MACROD2: variants seen among roughly 807,000 people sequenced by gnomAD.
MACROD2 encodes mono-ADP ribosylhydrolase 2.
A neutral mutation model predicts 70.4 loss-of-function variants in MACROD2; 36 were observed. The ratio of observed to expected loss-of-function variants is 0.51; its 90% confidence interval spans 0.39 to 0.68. The LOEUF is 0.68. Ranked by LOEUF, MACROD2 falls within the 30% of genes least tolerant of loss-of-function variation. MACROD2 has a pLI of 0.00. For synonymous variants in MACROD2, 172 were observed against 178.8 expected, an observed-to-expected ratio of 0.96 and a Z score of 0.30; for missense variants, 496 against 538.4, an observed-to-expected ratio of 0.92 and a Z score of 0.78.
intron 5 of MACROD2, among the ~76,000 whole-genome samples, chr20:14,990,656 G>A (rs1001612899): frequency 1.3e-5 from 2 of 151,880 alleles, no homozygotes; most frequent in African/African-American, 4.8e-5. Flanking sequence ...AGGGACTACA[G>A]GCACTCACCA....
intron 5 of MACROD2, among the ~76,000 whole-genome samples, chr20:15,226,263 G>A (rs966101938): frequency 4.6e-5 from 7 of 152,184 alleles, no homozygotes; most frequent in Non-Finnish European, 7.4e-5. Context: ...CTTAGGATTG[G>A]TGTTCTTTCC....
chr20:14,596,085 A>T (rs1048572751), intron 4 of MACROD2, among the ~76,000 whole-genome samples: 3 of 151,566 alleles, frequency 2.0e-5, no homozygotes, highest in Admixed American at 2.0e-4. Context: ...ATATATATAT[A>T]TGTAATTTTT....
intron 2 of MACROD2, among the ~76,000 whole-genome samples, chr20:14,047,191 A>C (rs575156602): frequency 3.3e-5 from 5 of 152,288 alleles, no homozygotes; most frequent in Admixed American, 2.6e-4. Context: ...TCATGCCTGT[A>C]ATCCTAGCAC....
chr20:14,913,059 C>CTG (rs1021781111), intron 5 of MACROD2, among the ~76,000 whole-genome samples: 17 of 151,930 alleles, frequency 1.1e-4, no homozygotes, highest in Non-Finnish European at 1.9e-4. Flanking sequence ...GTTGTGATAG[C>CTG]TGTGTGTGTG....
At chr20:15,633,938 A>AT (rs1393085864) in intron 8 of MACROD2, among the ~76,000 whole-genome samples, 1 of 152,114 alleles carries the variant, frequency 6.6e-6, no homozygotes, top group Non-Finnish European at 1.5e-5. Flanking sequence ...CTGTCAATTC[A>AT]TTTTTTTAAA....
intron 5 of MACROD2, among the ~76,000 whole-genome samples, chr20:15,178,796 C>G (rs144601691): frequency 6.6e-6 from 1 of 152,182 alleles, no homozygotes; most frequent in Non-Finnish European, 1.5e-5. Context: ...CAGAAAGGTC[C>G]CTGGCATTGC....
chr20:14,940,555 T>C (rs1324339081), intron 5 of MACROD2, among the ~76,000 whole-genome samples: 1 of 152,202 alleles, frequency 6.6e-6, no homozygotes, highest in East Asian at 1.9e-4. Context: ...TAGCCTTTAT[T>C]ATTTTGAGGT....
intron 5 of MACROD2, among the ~76,000 whole-genome samples, chr20:15,004,323 G>T (rs375757886): frequency 6.6e-6 from 1 of 152,132 alleles, no homozygotes; most frequent in Non-Finnish European, 1.5e-5. Flanking sequence ...CTTTAGTCAG[G>T]TTGACAGAAG....
At chr20:14,508,016 A>G (rs1490141789) in intron 4 of MACROD2, among the ~76,000 whole-genome samples, 1 of 152,334 alleles carries the variant, frequency 6.6e-6, no homozygotes, top group East Asian at 1.9e-4. Flanking sequence ...CATACAGAAA[A>G]GCCTGGGAAA....
intron 8 of MACROD2, among the ~76,000 whole-genome samples, chr20:15,585,383 A>T (rs1363979563): frequency 6.6e-6 from 1 of 151,700 alleles, no homozygotes; most frequent in East Asian, 1.9e-4. Context: ...TTTTTAGTAG[A>T]GACAGGATTT....
At chr20:14,388,415 T>C (rs1207869558) in intron 3 of MACROD2, among the ~76,000 whole-genome samples, 1 of 152,218 alleles carries the variant, frequency 6.6e-6, no homozygotes, top group African/African-American at 2.4e-5. Context: ...AAAATTCATA[T>C]ATGACTTGAT....
chr20:15,019,179 G>A (rs746084111), intron 5 of MACROD2, among the ~76,000 whole-genome samples: 11 of 151,742 alleles, frequency 7.2e-5, no homozygotes, highest in Middle Eastern at 6.8e-3. Context: ...GCGCGCGCGC[G>A]GAGAGAGTTT....
chr20:15,729,880 G>A (rs2050921578), intron 8 of MACROD2, among the ~76,000 whole-genome samples: 1 of 121,548 alleles, frequency 8.2e-6, no homozygotes, highest in Non-Finnish European at 1.6e-5. Context: ...CCAGGCTGGA[G>A]TGCAATGGTG....
chr20:14,491,664 C>G lies in MACROD2; in HGVS notation c.272-1815C>G, dbSNP rs189789405. On this transcript the variant is annotated intron_variant, in intron 3 of 17. Transcript: ENST00000684519. ...AAACAGATGGGCCTTGGGCTGTGCT[C>G]TCAAAACAGGCAACCTCCACCTTTA... 6.2e-3 allele frequency among the ~76,000 whole-genome samples: 945 copies of G among 152,284 alleles called. 18 individuals carry two copies. Among genetic ancestry groups the G allele is most frequent in the African/African-American group, 0.021 (888 of 41,566 alleles).
At chr20:15,421,015 G>A (rs909720083) in intron 6 of MACROD2, among the ~76,000 whole-genome samples, 1 of 152,140 alleles carries the variant, frequency 6.6e-6, no homozygotes, top group African/African-American at 2.4e-5. Context: ...AATAGTTTCA[G>A]TTTGAGGCCA....
intron 10 of MACROD2, among the ~76,000 whole-genome samples, chr20:15,914,694 A>G (rs1216685508): frequency 6.6e-6 from 1 of 152,162 alleles, no homozygotes; most frequent in Non-Finnish European, 1.5e-5. Flanking sequence ...GTTGTTCTAC[A>G]ATTTAAGTCA....
At chr20:14,290,946 A>G (rs796271430) in intron 3 of MACROD2, among the ~76,000 whole-genome samples, 30 of 152,364 alleles carry the variant, frequency 2.0e-4, no homozygotes, top group African/African-American at 7.2e-4. Flanking sequence ...TTTATGACTA[A>G]AAGTCTTTCC....
intron 15 of MACROD2, among the ~76,000 whole-genome samples, chr20:15,995,648 C>CTTTTTTTTTTTTTTTTT (rs2066618730): frequency 3.7e-5 from 1 of 26,966 alleles, no homozygotes; most frequent in Admixed American, 4.4e-4. Flanking sequence ...CTATGCCCGG[C>CTTTTTTTTTTTTTTTTT]CTTTTTTTTT....
intron 8 of MACROD2, among the ~76,000 whole-genome samples, chr20:15,597,130 G>A (rs1048840665): frequency 6.6e-6 from 1 of 152,174 alleles, no homozygotes; most frequent in African/African-American, 2.4e-5. Context: ...TTTGAAGATA[G>A]GTGCTGGTAT....
Sources: allele counts gnomAD v4.1 joint callset (sites outside exome capture counted in the v4.1 genomes callset), GRCh38; gene constraint gnomAD v4.1.1; transcripts MANE v1.5; gene names NCBI Gene and HGNC (gene_info 2026-07-23, HGNC 2026-07-21).